Variants in TMEM232 observed in about 807,000 individuals in gnomAD.
TMEM232 encodes the protein transmembrane protein 232.
A neutral mutation model predicts 78.8 loss-of-function variants in TMEM232; 80 were observed. The ratio of observed to expected loss-of-function variants is 1.01; its 90% CI spans 0.85 to 1.22. The LOEUF (loss-of-function observed/expected upper bound fraction) is 1.22. Among genes scored for constraint, TMEM232 ranks in the 50% most tolerant of loss-of-function variants. The pLI is 0.00. For missense variants in TMEM232, 881 were observed against 742.2 expected (o/e 1.19, Z -2.17); for synonymous variants, 297 against 254.3 (o/e 1.17, Z -1.60).
intron 1 of TMEM232, among the ~76,000 whole-genome samples, chr5:110,675,444 G>C (rs1791909221): frequency 1.3e-5 from 2 of 152,106 alleles, no homozygotes; most frequent in Admixed American, 6.6e-5. Context: ...CAGAAACCTA[G>C]AAGCTGGGAA....
chr5:110,658,552 A>G (rs1164647160), intron 2 of TMEM232, among the ~76,000 whole-genome samples: 2 of 152,190 alleles, frequency 1.3e-5, no homozygotes, highest in African/African-American at 2.4e-5. Flanking sequence ...AATATTTTCA[A>G]GAATAAAAAC....
intron 3 of TMEM232, among the ~76,000 whole-genome samples, chr5:110,394,272 A>T (rs529446540): frequency 2.6e-5 from 4 of 152,168 alleles, no homozygotes; most frequent in African/African-American, 7.2e-5. Flanking sequence ...TGCAGTTGCA[A>T]ATATCAAGAT....
intron 12 of TMEM232, among the ~76,000 whole-genome samples, chr5:110,427,936 A>G (rs537473391): frequency 5.3e-4 from 81 of 152,080 alleles, no homozygotes; most frequent in African/African-American, 1.9e-3. Flanking sequence ...TAATAATCAC[A>G]TCATAGAGAA....
At chr5:110,446,097 C>G (rs779951598) in intron 12 of TMEM232, among the ~76,000 whole-genome samples, 7 of 152,080 alleles carry the variant, frequency 4.6e-5, no homozygotes, top group Non-Finnish European at 1.0e-4. Context: ...GCAGAACTCT[C>G]TAATGTCAGT....
At chr5:110,709,433 T>C (rs1016586885) in intron 1 of TMEM232, among the ~76,000 whole-genome samples, 2 of 152,146 alleles carry the variant, frequency 1.3e-5, no homozygotes, top group African/African-American at 4.8e-5. Context: ...AGAATACACA[T>C]TCTTCTCTTC....
At chr5:110,510,951 C>T (rs763406889) in intron 12 of TMEM232, among the ~76,000 whole-genome samples, 13 of 152,174 alleles carry the variant, frequency 8.5e-5, no homozygotes, top group Middle Eastern at 6.8e-3. Flanking sequence ...TGGGTATATA[C>T]GCAAAGGATT....
rs374219408 is a variant in TMEM232, at chr5:110,520,050, T to TATATATAG, written c.1703+8537_1703+8538insCTATATAT. On this transcript the variant is annotated intron_variant, in intron 12 of 13. Transcript: ENST00000455884. Reference sequence around the variant, plus strand: ...TTATATATTTATGTATATATATATATAGAGAGAGAGAGAGAGAGGATTAGG... The same window carrying TATATATAG: ...TTATATATTTATGTATATATATATATATATATAGAGAGAGAGAGAGAGAGAGGATTAGG... 1.4e-3 allele frequency among the ~76,000 whole-genome samples: 213 copies of TATATATAG among 147,256 alleles called. 1 individual carries two copies. The highest frequency in any genetic ancestry group is 0.01 in the South Asian group (47 of 4,614).
chr5:110,490,926 A>T (rs1201085836), intron 12 of TMEM232, among the ~76,000 whole-genome samples: 1 of 152,164 alleles, frequency 6.6e-6, no homozygotes, highest in Non-Finnish European at 1.5e-5. Context: ...TGGATTAGGC[A>T]ATAGTTACCT....
chr5:110,393,915 G>A (rs1199328121), intron 3 of TMEM232, among the ~76,000 whole-genome samples: 1 of 138,416 alleles, frequency 7.2e-6, no homozygotes, highest in African/African-American at 2.8e-5. Flanking sequence ...CCACAATCAC[G>A]CCACTGCACT....
chr5:110,454,520 G>C (rs1366057128), intron 12 of TMEM232, among the ~76,000 whole-genome samples: 2 of 151,530 alleles, frequency 1.3e-5, no homozygotes, highest in Admixed American at 6.6e-5. Flanking sequence ...GTAACAGAAA[G>C]ATATATGGAA....
At chr5:110,602,000 C>T (rs377639484) in intron 10 of TMEM232, among the ~76,000 whole-genome samples, 5 of 152,240 alleles carry the variant, frequency 3.3e-5, no homozygotes, top group East Asian at 3.9e-4. Flanking sequence ...AACACACTTA[C>T]AATCATCTGA....
intron 5 of TMEM232, among the ~76,000 whole-genome samples, chr5:110,633,306 G>C (rs1176960315): frequency 6.6e-6 from 1 of 152,068 alleles, no homozygotes; most frequent in Non-Finnish European, 1.5e-5. Flanking sequence ...TAAAACTCAT[G>C]GGTAAAGCAA....
chr5:110,672,606 A>G (rs961574125), intron 1 of TMEM232, among the ~76,000 whole-genome samples: 1 of 152,174 alleles, frequency 6.6e-6, no homozygotes, highest in Non-Finnish European at 1.5e-5. Flanking sequence ...AATATTTAGC[A>G]TAGAGATGTT....
rs1379208980 is a variant in TMEM232 at position 110,640,874 on chromosome 5, GA to G, written c.343+16del. On this transcript the variant is annotated intron_variant, in intron 4 of 13. Transcript: ENST00000455884. ...AGAAAATACTTAGGATGCCTAATAAGAATTTAAAGTACGTACCATCTTGGAT... is the reference window on the plus strand; with the variant it reads ...AGAAAATACTTAGGATGCCTAATAAGATTTAAAGTACGTACCATCTTGGAT... The G allele has an allele frequency of 6.1e-6, 9 of 1,471,108 alleles. No individual in the cohort carries two copies. The highest frequency in any genetic ancestry group is 8.2e-6 in the Non-Finnish European group (9 of 1,102,540). The allele number at this position is 1,471,108 out of a possible 1,614,324, so 91.1% of individuals were successfully genotyped here. A position where few individuals can be genotyped will look rare whatever the true frequency, so the allele number is the denominator to read the frequency against.
chr5:110,629,501 T>C (rs756576888), intron 5 of TMEM232, among the ~76,000 whole-genome samples: 1 of 152,152 alleles, frequency 6.6e-6, no homozygotes, highest in Non-Finnish European at 1.5e-5. Context: ...CTTCATGTAT[T>C]ATTTGTGTAC....
chr5:110,568,435 GT>G lies in TMEM232; in HGVS notation c.1455+11del. On this transcript the variant is annotated intron_variant, in intron 11 of 13. Coordinates refer to ENST00000455884, the MANE Select transcript of TMEM232 (RefSeq NM_001039763.4). ...TAGATGTACATATTTATTGCCCAGT[GT>G]TTTACCTTACCTGAGCTATATTGAT... 6.6e-7 allele frequency: 1 copy of G among 1,526,440 alleles called. No individual in the cohort carries two copies. Among genetic ancestry groups the G allele is most frequent in the Non-Finnish European group, 8.8e-7 (1 of 1,138,212 alleles). 94.6% of individuals were successfully genotyped at this position (1,526,440 alleles called of 1,614,324 possible).
intron 1 of TMEM232, among the ~76,000 whole-genome samples, chr5:110,691,587 A>G (rs911319566): frequency 1.3e-5 from 2 of 152,202 alleles, no homozygotes; most frequent in Non-Finnish European, 2.9e-5. Context: ...CTACATACTA[A>G]AACTGAACTC....
chr5:110,625,288 A>G lies in TMEM232; in HGVS notation c.747T>C (p.Tyr249=), dbSNP rs61730920. ...IFRPVEDKKR[Y]ENTDSDMGGY... ...TCACCATATCAGAATCTGTGTTCTCATATCTTTTCTTATCTTCCACAGGTC... is the reference window on the plus strand; with the variant it reads ...TCACCATATCAGAATCTGTGTTCTCGTATCTTTTCTTATCTTCCACAGGTC... Residue 249 remains tyrosine, a synonymous_variant, in exon 7 of 14, where the codon TAT becomes TAC. Transcript: ENST00000455884. 160,274 of 1,539,174 alleles carry G rather than the reference A, an allele frequency of 0.1. 10,683 individuals are homozygous for G. Among genetic ancestry groups the G allele is most frequent in the African/African-American group, 0.33 (23,546 of 72,264 alleles).
At chr5:110,657,745 T>G (rs1358297356) in intron 2 of TMEM232, among the ~76,000 whole-genome samples, 1 of 152,120 alleles carries the variant, frequency 6.6e-6, no homozygotes, top group East Asian at 1.9e-4. Flanking sequence ...AAGAAGAGAT[T>G]TTGAATGTTG....
Sources: allele counts gnomAD v4.1 joint callset (sites outside exome capture counted in the v4.1 genomes callset), GRCh38; gene constraint gnomAD v4.1.1; transcripts MANE v1.5; gene names NCBI Gene and HGNC (gene_info 2026-07-23, HGNC 2026-07-21).